The following RGS22 variants were observed in gnomAD, a reference collection of about 807,000 sequenced individuals.
RGS22 encodes regulator of G protein signaling 22, also known as regulator of G-protein signaling 22.
A neutral mutation model predicts 172.9 loss-of-function variants in RGS22; 148 were observed. The ratio of observed to expected loss-of-function variants is 0.86; its 90% CI spans 0.75 to 0.98. RGS22 has a LOEUF of 0.98. RGS22 is among the 50% of genes least tolerant of loss of function. The pLI, the probability that RGS22 is intolerant of heterozygous loss-of-function variation, is 0.00. For missense variants in RGS22, 1,347 were observed against 1,440.8 expected (o/e 0.93, Z 1.05); for synonymous variants, 458 against 480.2 (o/e 0.95, Z 0.60).
intron 2 of RGS22, among the ~76,000 whole-genome samples, chr8:100,098,474 T>C (rs1813154364): frequency 1.3e-5 from 2 of 152,190 alleles, no homozygotes; most frequent in South Asian, 2.1e-4. Flanking sequence ...TTTTTGAAAT[T>C]TGAAAACCAA....
intron 4 of RGS22, among the ~76,000 whole-genome samples, chr8:100,075,882 C>T (rs540751211): frequency 1.3e-5 from 2 of 151,948 alleles, no homozygotes; most frequent in Non-Finnish European, 2.9e-5. Context: ...TCCTCACAAA[C>T]GTTTGTTATT....
In RGS22 at chr8:100,063,891, C is replaced by G; in HGVS notation, c.877G>C (p.Val293Leu). 1 of 1,609,774 alleles carries G rather than the reference C, an allele frequency of 6.2e-7. No individual in the cohort carries two copies. The highest frequency in any genetic ancestry group is 8.5e-7 in the Non-Finnish European group (1 of 1,178,082). The change falls in exon 8 of 28, where the codon GTA becomes CTA. Residue 293 changes from valine (V) to leucine (L), a missense_variant. Transcript: ENST00000360863. ...QDTPSQALLR[V>L]YLEKKQDVDE... ...ACATCCTGTTTCTTTTCAAGGTATA[C>G]TCTCAGAAGAGCTTGAGAAGGAGTG...
At chr8:99,962,496 A>T (rs1810309440) in intron 26 of RGS22, 53 bp from the exon 27 acceptor site, 1 of 1,577,842 alleles carries the variant, frequency 6.3e-7, no homozygotes. Context: ...TCCTTAGCAG[A>T]GGAGAGGAAC....
rs377209535 is a variant in RGS22 at position 100,080,116 on chromosome 8, A to C, written c.339+18T>G. On this transcript the variant is annotated intron_variant, in intron 4 of 27. Coordinates refer to ENST00000360863, the MANE Select transcript of RGS22 (RefSeq NM_015668.5). ...ATGCTTTATCTATCTAACAAGATAA[A>C]ACAGTATACTTTCTTACCATAATAT... 3.9e-5 allele frequency: 60 copies of C among 1,522,646 alleles called. No individual in the cohort carries two copies. The highest frequency in any genetic ancestry group is 8.8e-5 in the Admixed American group (5 of 57,000). The allele number at this position is 1,522,646 out of a possible 1,614,324, so 94.3% of individuals were successfully genotyped here.
At position 99,962,430 on chromosome 8, in the gene RGS22, A is replaced by G; in HGVS notation, c.*9T>C. On this transcript the variant is annotated 3_prime_UTR_variant, in exon 27 of 28. Transcript: ENST00000360863. The stretch of plus-strand genomic sequence containing the variant: ...CAGCAGCAGGATGTAAACATTCACA[A>G]GAATGCTGTCACTCTGGAAAAGACA... 6.2e-7 allele frequency: 1 copy of G among 1,613,788 alleles called. No homozygotes were observed. The highest frequency in any genetic ancestry group is 8.5e-7 in the Non-Finnish European group (1 of 1,179,696).
chr8:100,099,206 G>A (rs191708679), intron 2 of RGS22, among the ~76,000 whole-genome samples: 56 of 152,128 alleles, frequency 3.7e-4, no homozygotes, highest in African/African-American at 1.1e-3. Flanking sequence ...GAGCCATTGC[G>A]CCTGGCCCAG....
At chr8:100,028,895 T>C (rs1360637365) in intron 14 of RGS22, among the ~76,000 whole-genome samples, 1 of 152,188 alleles carries the variant, frequency 6.6e-6, no homozygotes, top group African/African-American at 2.4e-5. Flanking sequence ...ATCAAGAGAA[T>C]ATAGCAACGG....
intron 14 of RGS22, among the ~76,000 whole-genome samples, chr8:100,014,890 T>C (rs1816787418): frequency 6.6e-6 from 1 of 152,234 alleles, no homozygotes; most frequent in Non-Finnish European, 1.5e-5. Context: ...GCTCCTGAAG[T>C]CTGGCTTAAG....
intron 21 of RGS22, 40 bp from the exon 22 acceptor site, chr8:99,982,156 AT>A: frequency 6.8e-7 from 1 of 1,460,992 alleles, no homozygotes; most frequent in Non-Finnish European, 9.3e-7. Flanking sequence ...TAATTAATGC[AT>A]TACCAGAACA....
intron 4 of RGS22, among the ~76,000 whole-genome samples, chr8:100,075,377 G>A (rs1449037571): frequency 6.6e-6 from 1 of 152,158 alleles, no homozygotes; most frequent in Non-Finnish European, 1.5e-5. Context: ...CTTGCCATGT[G>A]ATATTCCTGC....
At chr8:99,972,336 C>G (rs539800094) in intron 23 of RGS22, among the ~76,000 whole-genome samples, 5 of 152,228 alleles carry the variant, frequency 3.3e-5, no homozygotes, top group African/African-American at 1.2e-4. Flanking sequence ...AGGACATAGG[C>G]ATGGGCAAAG....
chr8:100,063,589 T>G lies in RGS22; in HGVS notation c.1179A>C (p.Gly393=), dbSNP rs769473045. The G allele has an allele frequency of 6.2e-7, 1 of 1,614,108 alleles. No individual in the cohort carries two copies. The highest frequency in any genetic ancestry group is 8.5e-7 in the Non-Finnish European group (1 of 1,180,002). The change falls in exon 8 of 28, where the codon GGA becomes GGC. Residue 393 remains glycine (G), a synonymous_variant. Coordinates refer to ENST00000360863, the MANE Select transcript of RGS22 (RefSeq NM_015668.5). The part of the protein sequence containing the change: ...TSLSSKNESA[G]PESRADWCIS... ...TACACCAGTCCGCCCTGCTCTCTGG[T>G]CCAGCGCTCTCATTCTTTGAACTTA...
chr8:100,015,058 T>C (rs1016862619), intron 14 of RGS22, among the ~76,000 whole-genome samples: 1 of 152,210 alleles, frequency 6.6e-6, no homozygotes, highest in East Asian at 1.9e-4. Context: ...AATGGAAGAC[T>C]TCATCTAGCC....
rs755202783 is a variant in RGS22, at chr8:99,982,118, T to C, written c.3181-2A>G. On this transcript the variant is annotated splice_acceptor_variant, in intron 21 of 27. Transcript: ENST00000360863. LOFTEE classifies it high-confidence loss of function. ...ATCACAATGAGAATGGCACAAGTCC[T>C]GAACAGAAGGAAAGATAGAATGGTA... 4 of 1,605,208 alleles carry C rather than the reference T, an allele frequency of 2.5e-6. No homozygotes were observed. Among genetic ancestry groups the C allele is most frequent in the South Asian group, 1.1e-5 (1 of 89,738 alleles).
rs200406131 is a variant in RGS22, at chr8:99,987,508, C to A, written c.3130G>T (p.Asp1044Tyr). 5 of 1,611,564 alleles carry A rather than the reference C, an allele frequency of 3.1e-6. No individual in the cohort carries two copies. Among genetic ancestry groups the A allele is most frequent in the Middle Eastern group, 1.7e-4 (1 of 6,038 alleles). Residue 1044 changes from aspartate (D) to tyrosine (Y), a missense_variant, in exon 21 of 28, where the codon GAT becomes TAT. Coordinates refer to ENST00000360863, the MANE Select transcript of RGS22 (RefSeq NM_015668.5). ...AAGAGTAAACCATTTTCCAATAAAT[C>A]TCCTTTTAGAGCCACAAAACGTTGA... ...QFQRFVALKG[D>Y]LLENGLLFWQ...
chr8:100,031,920 C>G (rs189886281), intron 14 of RGS22, among the ~76,000 whole-genome samples: 1 of 152,218 alleles, frequency 6.6e-6, no homozygotes, highest in Non-Finnish European at 1.5e-5. Flanking sequence ...CCAAACTAAG[C>G]TTCATAAGTG....
rs777893541 is a variant in RGS22, at chr8:100,004,103, T to C, written c.2455-5A>G. ...TCCAATTTCACAAGTGGTGTCCTAG[T>C]GAAATAGTACTTTTCAGCAAAAATC... is the stretch of plus-strand genomic sequence containing the variant. On this transcript the variant is annotated splice_region_variant and splice_polypyrimidine_tract_variant and intron_variant, in intron 16 of 27. Transcript: ENST00000360863. 7 of 1,592,552 alleles carry C rather than the reference T, an allele frequency of 4.4e-6. No homozygotes were observed. The South Asian group carries it at 5.7e-5, about 13-fold the overall frequency.
intron 14 of RGS22, among the ~76,000 whole-genome samples, chr8:100,015,792 C>T (rs894157442): frequency 2.0e-5 from 3 of 152,144 alleles, no homozygotes; most frequent in African/African-American, 7.2e-5. Flanking sequence ...AGTTTTCTGA[C>T]CAAGCAAGGC....
At chr8:100,055,300 ACT>A (rs2131724254) in intron 9 of RGS22, among the ~76,000 whole-genome samples, 1 of 152,212 alleles carries the variant, frequency 6.6e-6, no homozygotes, top group African/African-American at 2.4e-5. Context: ...AGAAAGAGAG[ACT>A]CTATTTGGGA....
Sources: allele counts gnomAD v4.1 joint callset (sites outside exome capture counted in the v4.1 genomes callset), GRCh38; gene constraint gnomAD v4.1.1; transcripts MANE v1.5; gene names NCBI Gene and HGNC (gene_info 2026-07-23, HGNC 2026-07-21).